SNX25: variants seen among roughly 807,000 people sequenced by gnomAD.
SNX25 encodes sorting nexin-25.
Under a neutral mutation model 113.7 loss-of-function variants are expected in SNX25, and 62 were observed. That is an observed-to-expected ratio of 0.55 (90% CI 0.44 to 0.67). The LOEUF (loss-of-function observed/expected upper bound fraction) is 0.67. SNX25 is among the 30% of genes least tolerant of loss of function. The pLI is 0.00. For missense variants in SNX25, 1,014 were observed against 1,161.0 expected (o/e 0.87, Z 1.84); for synonymous variants, 421 against 436.2 (o/e 0.97, Z 0.43).
At chr4:185,370,295 A>G (rs2095410597), downstream of SNX25, 1 of 182,434 alleles carries the variant, frequency 5.5e-6, no homozygotes, top group Admixed American at 5.4e-5. Flanking sequence ...AAAAAACTTC[A>G]TTACTGTACT....
chr4:185,250,749 T>C (rs930658847), intron 2 of SNX25, among the ~76,000 whole-genome samples: 1 of 150,082 alleles, frequency 6.7e-6, no homozygotes. Flanking sequence ...TTTTGTGGGG[T>C]GGGATGGGGG....
At chr4:185,236,593 A>C (rs1311876374) in intron 1 of SNX25, among the ~76,000 whole-genome samples, 1 of 152,240 alleles carries the variant, frequency 6.6e-6, no homozygotes. Flanking sequence ...ATTATGATAT[A>C]AGCTATTCAA....
chr4:185,335,845 C>A (rs557397383), intron 10 of SNX25, among the ~76,000 whole-genome samples: 70 of 152,214 alleles, frequency 4.6e-4, no homozygotes, highest in African/African-American at 1.7e-3. Context: ...CCTCAAGGAG[C>A]AAATATGCTG....
At chr4:185,264,667 A>G in intron 4 of SNX25, 57 bp downstream of exon 4, 1 of 1,533,200 alleles carries the variant, frequency 6.5e-7, no homozygotes, top group Non-Finnish European at 9.0e-7. Flanking sequence ...AATGTGCTAC[A>G]TGCAGACCTT....
At chr4:185,345,397 G>A (rs1218222053) in intron 12 of SNX25, among the ~76,000 whole-genome samples, 1 of 152,190 alleles carries the variant, frequency 6.6e-6, no homozygotes, top group African/African-American at 2.4e-5. Flanking sequence ...TATGCTTCTA[G>A]CACAGTGTCT....
chr4:185,376,590 G>A, the SNX25 span, among the ~76,000 whole-genome samples: 2 of 151,858 alleles, frequency 1.3e-5, no homozygotes, highest in South Asian at 2.1e-4. Flanking sequence ...CACCGCACCC[G>A]GCCTGATAAT....
chr4:185,249,002 G>C (rs1745251081), intron 2 of SNX25, among the ~76,000 whole-genome samples: 1 of 152,110 alleles, frequency 6.6e-6, no homozygotes, highest in Non-Finnish European at 1.5e-5. Context: ...TGTTACTTTT[G>C]GGTGGGTGGT....
At chr4:185,274,372 T>G (rs1483286546) in intron 5 of SNX25, among the ~76,000 whole-genome samples, 2 of 152,244 alleles carry the variant, frequency 1.3e-5, no homozygotes, top group African/African-American at 4.8e-5. Flanking sequence ...ACTGGCTGTC[T>G]TTTAAGGACC....
At chr4:185,328,393 C>T (rs2095171069) in intron 9 of SNX25, among the ~76,000 whole-genome samples, 1 of 152,088 alleles carries the variant, frequency 6.6e-6, no homozygotes, top group East Asian at 1.9e-4. Flanking sequence ...CAAGGAGCCC[C>T]AGGCCACCAG....
chr4:185,223,592 A>G (rs949470834), intron 1 of SNX25, among the ~76,000 whole-genome samples: 1 of 151,992 alleles, frequency 6.6e-6, no homozygotes, highest in African/African-American at 2.4e-5. Flanking sequence ...CATCCTGCCT[A>G]ACACGGTGAA....
At chr4:185,335,562 C>T (rs1380954100) in intron 10 of SNX25, among the ~76,000 whole-genome samples, 1 of 152,156 alleles carries the variant, frequency 6.6e-6, no homozygotes, top group Non-Finnish European at 1.5e-5. Context: ...CCCTTCTTCT[C>T]TCACAGATCT....
At chr4:185,359,900 G>A (rs2095354339) in intron 16 of SNX25, among the ~76,000 whole-genome samples, 1 of 152,202 alleles carries the variant, frequency 6.6e-6, no homozygotes, top group Admixed American at 6.5e-5. Flanking sequence ...TTTCCAGGCT[G>A]TCCATTTCAG....
chr4:185,244,088 C>T (rs1392791354), intron 1 of SNX25, among the ~76,000 whole-genome samples: 2 of 152,138 alleles, frequency 1.3e-5, no homozygotes, highest in African/African-American at 4.8e-5. Context: ...GCCTGCATCT[C>T]CTGGGCTCAG....
chr4:185,376,830 A>T, the SNX25 span: 9 of 966,434 alleles, frequency 9.3e-6, no homozygotes. Context: ...ACACAGTAAG[A>T]AACTCTACAT....
chr4:185,332,351 G>T (rs943194312), intron 9 of SNX25, among the ~76,000 whole-genome samples: 4 of 152,138 alleles, frequency 2.6e-5, no homozygotes, highest in African/African-American at 4.8e-5. Context: ...GGAAATAATG[G>T]CATGGGATTT....
the SNX25 span, among the ~76,000 whole-genome samples, chr4:185,376,077 T>C: frequency 6.6e-6 from 1 of 152,050 alleles, no homozygotes; most frequent in Non-Finnish European, 1.5e-5. Flanking sequence ...GGGAAGTCAA[T>C]GAAAAACCGA....
intron 6 of SNX25, among the ~76,000 whole-genome samples, chr4:185,294,772 T>C (rs1271705336): frequency 6.6e-6 from 1 of 152,156 alleles, no homozygotes; most frequent in Non-Finnish European, 1.5e-5. Context: ...AGTTCATATG[T>C]AGGTGCTTTC....
intron 4 of SNX25, 26 bp downstream of exon 4, chr4:185,264,636 A>G (rs1747795505): frequency 6.2e-7 from 1 of 1,609,098 alleles, no homozygotes; most frequent in African/African-American, 1.3e-5. Context: ...TGATTTCACT[A>G]ATTCAATAAG....
At chr4:185,212,486 TGTGTG>T (rs148708044) in intron 1 of SNX25, among the ~76,000 whole-genome samples, 3 of 90,410 alleles carry the variant, frequency 3.3e-5, no homozygotes, top group Non-Finnish European at 4.7e-5. Flanking sequence ...TGTGTGTGTG[TGTGTG>T]TTTTTTTTTT....
Sources: allele counts gnomAD v4.1 joint callset (sites outside exome capture counted in the v4.1 genomes callset), GRCh38; gene constraint gnomAD v4.1.1; transcripts MANE v1.5; gene names NCBI Gene and HGNC (gene_info 2026-07-23, HGNC 2026-07-21).